The following CERT1 variants were observed in gnomAD, a reference collection of about 807,000 sequenced individuals.
CERT1 encodes the protein ceramide transfer protein.
Under a neutral mutation model 87.9 loss-of-function variants are expected in CERT1, and 31 were observed. That is an observed-to-expected ratio of 0.35 (90% CI 0.27 to 0.48). The LOEUF is 0.48. Among genes scored for constraint, CERT1 ranks in the 20% least tolerant of loss-of-function variants. CERT1 has a pLI of 0.99. For missense variants in CERT1, 487 were observed against 758.0 expected (o/e 0.64, Z 4.20); for synonymous variants, 289 against 250.9 (o/e 1.15, Z -1.44).
At chr5:75,498,684 T>C (rs1045107093) in intron 2 of CERT1, among the ~76,000 whole-genome samples, 8 of 152,234 alleles carry the variant, frequency 5.3e-5, no homozygotes, top group African/African-American at 1.9e-4. Context: ...AACACCTGGA[T>C]GTCCAGGCAT....
At chr5:75,497,598 A>T (rs755592500) in intron 2 of CERT1, among the ~76,000 whole-genome samples, 1 of 152,018 alleles carries the variant, frequency 6.6e-6, no homozygotes, top group Non-Finnish European at 1.5e-5. Context: ...CGATGGTTTT[A>T]TAAGGGCTTT....
intron 3 of CERT1, among the ~76,000 whole-genome samples, chr5:75,438,932 T>TC (rs58418518): frequency 0.12 from 18,752 of 151,526 alleles, 1,258 homozygotes; most frequent in East Asian, 0.22. Flanking sequence ...TTTTTTTTTT[T>TC]CTTTTAAGAG....
chr5:75,370,015 G>A (rs1435925892), intron 17 of CERT1: 4 of 152,178 alleles, frequency 2.6e-5, no homozygotes, highest in African/African-American at 4.8e-5. Context: ...GAAACTGCTA[G>A]TTAGAACTAC....
chr5:75,374,716 AG>A (rs1761224757), downstream of CERT1: 3 of 596,000 alleles, frequency 5.0e-6, no homozygotes, highest in African/African-American at 1.8e-5. Context: ...CAAAGTAGTC[AG>A]GAATCGATCT....
At chr5:75,369,487 A>G (rs1049087397) in intron 17 of CERT1, 2 of 152,234 alleles carry the variant, frequency 1.3e-5, no homozygotes, top group Admixed American at 1.3e-4. Context: ...TATTACACAT[A>G]GGCATTAAAA....
intron 3 of CERT1, among the ~76,000 whole-genome samples, chr5:75,436,530 T>C (rs971069434): frequency 6.6e-6 from 1 of 152,202 alleles, no homozygotes; most frequent in Non-Finnish European, 1.5e-5. Context: ...CTTTCCTTTC[T>C]TTCTTTTGCT....
intron 3 of CERT1, among the ~76,000 whole-genome samples, chr5:75,431,232 G>A (rs1409713328): frequency 6.6e-6 from 1 of 152,090 alleles, no homozygotes; most frequent in Non-Finnish European, 1.5e-5. Context: ...CCCTCAAGTA[G>A]GGCCCAGTGT....
In CERT1 at chr5:75,385,963, G is replaced by T; in HGVS notation, c.1356C>A (p.Gly452=). Residue 452 remains glycine (G), a synonymous_variant, in exon 13 of 17, where the codon GGC becomes GGA. Coordinates refer to ENST00000643780, the MANE Select transcript of CERT1 (RefSeq NM_001379029.1). ...DPLKATHAVK[G]VTGHEVCNYF... Reference sequence around the variant, plus strand: ...AATTGCAGACTTCATGTCCTGTGACGCCTTTAACTGCATGGGTAGCTTTTA... The same window carrying T: ...AATTGCAGACTTCATGTCCTGTGACTCCTTTAACTGCATGGGTAGCTTTTA... 6.3e-7 allele frequency: 1 copy of T among 1,595,558 alleles called. No homozygotes were observed. The highest frequency in any genetic ancestry group is 1.1e-5 in the South Asian group (1 of 87,188).
intron 2 of CERT1, among the ~76,000 whole-genome samples, chr5:75,468,332 C>T (rs897299439): frequency 2.6e-5 from 4 of 152,158 alleles, no homozygotes; most frequent in Non-Finnish European, 5.9e-5. Context: ...TCTGTGTCAA[C>T]CCTCCCACAA....
intron 3 of CERT1, among the ~76,000 whole-genome samples, chr5:75,454,058 T>C (rs1367788063): frequency 3.9e-5 from 6 of 152,194 alleles, no homozygotes; most frequent in African/African-American, 1.4e-4. Flanking sequence ...TGGCAAGTGG[T>C]GCACTGATGA....
At chr5:75,398,296 C>G (rs1387692412) in intron 11 of CERT1, among the ~76,000 whole-genome samples, 1 of 152,102 alleles carries the variant, frequency 6.6e-6, no homozygotes, top group Non-Finnish European at 1.5e-5. Flanking sequence ...TATAGCAATA[C>G]TCTCACAGAG....
intron 2 of CERT1, among the ~76,000 whole-genome samples, chr5:75,469,348 T>G (rs1022975252): frequency 1.3e-5 from 2 of 152,072 alleles, no homozygotes; most frequent in African/African-American, 4.8e-5. Context: ...TTTGAGTCAT[T>G]AGAGTTCAAG....
intron 16 of CERT1, among the ~76,000 whole-genome samples, chr5:75,380,798 A>AG (rs1328239703): frequency 6.6e-6 from 1 of 151,380 alleles, no homozygotes; most frequent in African/African-American, 2.4e-5. Flanking sequence ...AAAAAAAAAA[A>AG]AGAAGGGTAT....
chr5:75,499,336 G>C (rs2112453470), intron 2 of CERT1, among the ~76,000 whole-genome samples: 1 of 152,272 alleles, frequency 6.6e-6, no homozygotes, highest in African/African-American at 2.4e-5. Context: ...GTTTGGCTGT[G>C]TCCCCACCCA....
intron 14 of CERT1, among the ~76,000 whole-genome samples, chr5:75,383,626 A>G (rs1051922931): frequency 3.3e-5 from 5 of 152,170 alleles, no homozygotes; most frequent in African/African-American, 1.2e-4. Context: ...TAATTATTAG[A>G]TATAAGATGT....
At chr5:75,383,075 G>A (rs540107919) in intron 14 of CERT1, among the ~76,000 whole-genome samples, 1 of 152,204 alleles carries the variant, frequency 6.6e-6, no homozygotes, top group African/African-American at 2.4e-5. Flanking sequence ...TTGAGTCTAA[G>A]CAGAACATTA....
intron 2 of CERT1, among the ~76,000 whole-genome samples, chr5:75,488,571 T>C (rs1418514590): frequency 6.6e-6 from 1 of 152,170 alleles, no homozygotes; most frequent in East Asian, 1.9e-4. Flanking sequence ...TAGCTTATTT[T>C]AAAATCACTT....
intron 2 of CERT1, among the ~76,000 whole-genome samples, chr5:75,501,095 C>T (rs1439586762): frequency 1.3e-5 from 2 of 151,912 alleles, no homozygotes; most frequent in Non-Finnish European, 2.9e-5. Context: ...GATCCTCCCA[C>T]CTCAGCCTCC....
chr5:75,506,336 T>C (rs1366079528), intron 1 of CERT1, among the ~76,000 whole-genome samples: 1 of 152,208 alleles, frequency 6.6e-6, no homozygotes. Flanking sequence ...TATAAATAAA[T>C]CTGTAAGAAA....
Sources: allele counts gnomAD v4.1 joint callset (sites outside exome capture counted in the v4.1 genomes callset), GRCh38; gene constraint gnomAD v4.1.1; transcripts MANE v1.5; gene names NCBI Gene and HGNC (gene_info 2026-07-23, HGNC 2026-07-21).